The following GREB1L variants were observed in gnomAD, a reference collection of about 807,000 sequenced individuals.
GREB1L encodes GREB1 like retinoic acid receptor coactivator.
GREB1L carries 17 observed loss-of-function variants against 200.8 expected under a neutral mutation model. The observed-to-expected ratio is 0.08, with a 90% confidence interval of 0.06 to 0.13. The LOEUF (loss-of-function observed/expected upper bound fraction) is 0.13, where lower values mean the gene tolerates loss of function less well. GREB1L is among the 10% of genes least tolerant of loss of function. The pLI, the probability that GREB1L is intolerant of heterozygous loss-of-function variation, is 1.00. For synonymous variants in GREB1L, 789 were observed against 893.0 expected, an observed-to-expected ratio of 0.88 and a Z score of 2.08; for missense variants, 1,657 against 2,367.7, an observed-to-expected ratio of 0.70 and a Z score of 6.23.
chr18:21,335,666 C>CT (rs746907148), intron 1 of GREB1L, among the ~76,000 whole-genome samples: 161 of 139,248 alleles, frequency 1.2e-3, no homozygotes, highest in Admixed American at 1.7e-3. Context: ...TTCTTTTTTT[C>CT]TTTTTTTTTT....
intron 1 of GREB1L, among the ~76,000 whole-genome samples, chr18:21,355,086 C>T (rs1247978174): frequency 6.6e-6 from 1 of 152,118 alleles, no homozygotes; most frequent in Non-Finnish European, 1.5e-5. Context: ...CTTTAGTGTC[C>T]TTAGAGCATG....
chr18:21,299,279 GAA>G (rs149142489), intron 1 of GREB1L, among the ~76,000 whole-genome samples: 1,297 of 101,000 alleles, frequency 0.013, 15 homozygotes, highest in African/African-American at 0.04. Context: ...ACTCAGTCTC[GAA>G]AAAAAAAAAA....
intron 15 of GREB1L, among the ~76,000 whole-genome samples, chr18:21,462,329 A>G (rs1347450436): frequency 2.6e-5 from 4 of 152,234 alleles, no homozygotes; most frequent in Non-Finnish European, 5.9e-5. Context: ...TAGACTGGCC[A>G]TTGCTCATCA....
chr18:21,360,258 A>G (rs1189925103), intron 1 of GREB1L, among the ~76,000 whole-genome samples: 2 of 152,212 alleles, frequency 1.3e-5, no homozygotes, highest in African/African-American at 4.8e-5. Flanking sequence ...TCGCTCTGTC[A>G]TCCAGGCTGG....
At chr18:21,404,023 A>AATAT (rs1310370342) in intron 7 of GREB1L, 29 bp downstream of exon 7, 2 of 1,540,240 alleles carry the variant, frequency 1.3e-6, no homozygotes, top group Admixed American at 2.0e-5. Context: ...TGGCATTTCA[A>AATAT]GCATCACATG....
chr18:21,286,768 G>A (rs2038364332), intron 1 of GREB1L, among the ~76,000 whole-genome samples: 1 of 152,178 alleles, frequency 6.6e-6, no homozygotes, highest in Non-Finnish European at 1.5e-5. Flanking sequence ...AAAGTGCTGG[G>A]ATTGCAGGCA....
At chr18:21,472,972 C>CTG (rs1052326341) in intron 15 of GREB1L, 59 bp from the exon 16 acceptor site, 204 of 1,144,854 alleles carry the variant, frequency 1.8e-4, no homozygotes, top group Non-Finnish European at 2.1e-4. Flanking sequence ...AGTCTATCTC[C>CTG]TGTGTGTGTG....
At chr18:21,425,691 TGAA>T (rs1381656372) in intron 7 of GREB1L, among the ~76,000 whole-genome samples, 1 of 152,256 alleles carries the variant, frequency 6.6e-6, no homozygotes, top group Non-Finnish European at 1.5e-5. Flanking sequence ...ATATTTTCCT[TGAA>T]GAAGTATCTA....
At chr18:21,321,410 C>T (rs990683647) in intron 1 of GREB1L, among the ~76,000 whole-genome samples, 5 of 150,502 alleles carry the variant, frequency 3.3e-5, no homozygotes, top group Admixed American at 1.3e-4. Context: ...ATAGGCCAGG[C>T]ACGGTTGCTC....
chr18:21,453,312 G>A (rs2034611895), intron 14 of GREB1L, among the ~76,000 whole-genome samples: 1 of 152,162 alleles, frequency 6.6e-6, no homozygotes, highest in Admixed American at 6.5e-5. Flanking sequence ...AACTACTAGG[G>A]AGACCATCCA....
intron 17 of GREB1L, chr18:21,485,370 T>A: frequency 2.8e-6 from 1 of 356,290 alleles, no homozygotes; most frequent in Non-Finnish European, 5.1e-6. Context: ...AAACAAACCA[T>A]GTGCCTGAAG....
At chr18:21,310,476 C>G (rs976265132) in intron 1 of GREB1L, among the ~76,000 whole-genome samples, 1 of 152,174 alleles carries the variant, frequency 6.6e-6, no homozygotes, top group Non-Finnish European at 1.5e-5. Context: ...TCATGTCTGA[C>G]TTACTAGAAA....
chr18:21,307,172 C>G (rs2038713683), intron 1 of GREB1L, among the ~76,000 whole-genome samples: 1 of 152,178 alleles, frequency 6.6e-6, no homozygotes, highest in Non-Finnish European at 1.5e-5. Flanking sequence ...GAGTTTTGAG[C>G]CCCTTTCCTT....
chr18:21,265,326 T>C (rs1410534019), intron 1 of GREB1L, among the ~76,000 whole-genome samples: 1 of 152,180 alleles, frequency 6.6e-6, no homozygotes, highest in Non-Finnish European at 1.5e-5. Context: ...ATGTATCTTA[T>C]AGGAAAAAGG....
rs1187637387 is a variant in GREB1L at position 21,505,544 on chromosome 18, A to G, written c.4205A>G (p.Glu1402Gly). The change falls in exon 24 of 33, where the codon GAG (glutamate) becomes GGG (glycine). Residue 1402 changes from glutamate (E) to glycine (G), a missense_variant. Physicochemically the swap from Glu to Gly is moderately conservative, Grantham distance 98. Transcript: ENST00000424526. ...AGTTTGATGAGCCTGGTGTATACTG[A>G]GAAGCTGGCAGGGGTCAAACAAGGT... ...KYSLMSLVYTEKLAGVKQEVI... is the reference protein window; with the variant it reads ...KYSLMSLVYTGKLAGVKQEVI... The G allele has an allele frequency of 6.4e-7, 1 of 1,551,782 alleles. No individual in the cohort carries two copies. Among genetic ancestry groups the G allele is most frequent in the Admixed American group, 2.0e-5 (1 of 50,994 alleles).
chr18:21,457,786 C>T (rs1445478603), intron 15 of GREB1L, among the ~76,000 whole-genome samples: 1 of 152,072 alleles, frequency 6.6e-6, no homozygotes, highest in Admixed American at 6.6e-5. Context: ...AGAAATTGCT[C>T]CGGGTAGAAT....
At position 21,494,617 on chromosome 18, in the gene GREB1L, TA is replaced by T. The variant is rs996116123; in HGVS notation, c.3031-1039del. On this transcript the variant is annotated intron_variant, in intron 19 of 32. Coordinates refer to ENST00000424526, the MANE Select transcript of GREB1L (RefSeq NM_001142966.3). ...CTGGGCAACAGAGCAAGACTCTGTC[TA>T]AAAAAAAAAAAAATTGTATGTATTA... Among the ~76,000 whole-genome samples, 493 of 143,340 alleles carry T rather than the reference TA, an allele frequency of 3.4e-3. 2 individuals carry two copies. Among genetic ancestry groups the T allele is most frequent in the African/African-American group, 8.7e-3 (342 of 39,216 alleles). 94.0% of individuals were successfully genotyped at this position (143,340 alleles called of 152,430 possible).
At chr18:21,377,825 A>C (rs1409728857) in intron 2 of GREB1L, among the ~76,000 whole-genome samples, 1 of 151,632 alleles carries the variant, frequency 6.6e-6, no homozygotes, top group East Asian at 1.9e-4. Context: ...CAGGAGAGTC[A>C]CTTGAACCCA....
intron 1 of GREB1L, among the ~76,000 whole-genome samples, chr18:21,252,449 C>A (rs866001856): frequency 1.3e-5 from 2 of 150,058 alleles, no homozygotes; most frequent in Non-Finnish European, 2.9e-5. Context: ...CCCAGCTACT[C>A]GGGAGGCTGA....
Sources: allele counts gnomAD v4.1 joint callset (sites outside exome capture counted in the v4.1 genomes callset), GRCh38; gene constraint gnomAD v4.1.1; transcripts MANE v1.5; gene names NCBI Gene and HGNC (gene_info 2026-07-23, HGNC 2026-07-21).